The following CDH18 variants were observed in gnomAD, a reference collection of about 807,000 sequenced individuals.
The protein encoded by CDH18 is cadherin-18.
CDH18 carries 31 observed loss-of-function variants against 67.9 expected under a neutral mutation model. That is an observed-to-expected ratio of 0.46 (90% confidence interval 0.34 to 0.62). The LOEUF is 0.62. CDH18 is among the 20% of genes least tolerant of loss of function. The pLI is 0.01. For missense variants in CDH18, 890 were observed against 975.5 expected (o/e 0.91, Z 1.17); for synonymous variants, 362 against 347.2 (o/e 1.04, Z -0.48).
chr5:20,055,776 A>C, intron 2 of CDH18, among the ~76,000 whole-genome samples: 1 of 152,134 alleles, frequency 6.6e-6, no homozygotes, highest in East Asian at 1.9e-4. Flanking sequence ...AGAAATTTGA[A>C]AATATTGAAG....
At chr5:19,852,673 G>A in intron 2 of CDH18, among the ~76,000 whole-genome samples, 1 of 151,576 alleles carries the variant, frequency 6.6e-6, no homozygotes, top group East Asian at 1.9e-4. Flanking sequence ...AATTAGGGAG[G>A]CTGCAAATAT....
At chr5:20,087,460 G>A (rs1476871072) in intron 2 of CDH18, among the ~76,000 whole-genome samples, 1 of 142,110 alleles carries the variant, frequency 7.0e-6, no homozygotes, top group Non-Finnish European at 1.5e-5. Flanking sequence ...TATTCCACGT[G>A]ACAGAGAAAT....
intron 2 of CDH18, among the ~76,000 whole-genome samples, chr5:19,918,632 T>C (rs992690993): frequency 6.6e-5 from 10 of 152,174 alleles, no homozygotes; most frequent in Admixed American, 1.3e-4. Flanking sequence ...TTCTAGTAGA[T>C]AATGGATAAA....
Position 19,473,144 on chromosome 5 carries a change from C to A in CDH18, c.*82G>T. The A allele has an allele frequency of 8.5e-6, 13 of 1,532,756 alleles. No individual in the cohort carries two copies. Among genetic ancestry groups the A allele is most frequent in the Non-Finnish European group, 1.1e-5 (13 of 1,135,682 alleles). 94.9% of individuals were successfully genotyped at this position (1,532,756 alleles called of 1,614,324 possible). ...CTTCCTCAGTTCCAAGTACTGTTTC[C>A]ACACTTCTTCCTTGTCATTGCTGAG... On this transcript the variant is annotated 3_prime_UTR_variant, in exon 13 of 13. Transcript: ENST00000382275.
rs189001279 is a variant in CDH18, at chr5:19,725,109, G to A, written c.524-3643C>T. On this transcript the variant is annotated intron_variant, in intron 4 of 12. Coordinates refer to ENST00000382275, the MANE Select transcript of CDH18 (RefSeq NM_004934.5). The stretch of plus-strand genomic sequence containing the variant: ...GCCTGGCTAAATTTTTGTATTTTTA[G>A]TAGAGACAGGGTTTCACCATGTTAG... Among the ~76,000 whole-genome samples the A allele has an allele frequency of 2.8e-4, 43 of 152,078 alleles. 1 individual carries two copies. In the East Asian group the frequency reaches 8.2e-3, roughly 29 times the overall value.
intron 7 of CDH18, among the ~76,000 whole-genome samples, chr5:19,581,738 A>G (rs931457396): frequency 6.6e-6 from 1 of 152,026 alleles, no homozygotes; most frequent in African/African-American, 2.4e-5. Flanking sequence ...AATGGCCTAG[A>G]CCAGGAATAG....
intron 2 of CDH18, among the ~76,000 whole-genome samples, chr5:20,205,733 T>C (rs1739827890): frequency 1.3e-5 from 2 of 151,768 alleles, no homozygotes; most frequent in Non-Finnish European, 2.9e-5. Flanking sequence ...CACAAACACA[T>C]GGAAATTAAA....
intron 5 of CDH18, among the ~76,000 whole-genome samples, chr5:19,683,282 G>A (rs945548372): frequency 6.6e-6 from 1 of 151,966 alleles, no homozygotes; most frequent in African/African-American, 2.4e-5. Flanking sequence ...AAACCATACT[G>A]TAGTATTTTA....
chr5:20,491,322 C>A (rs927228522), intron 1 of CDH18, among the ~76,000 whole-genome samples: 1 of 151,722 alleles, frequency 6.6e-6, no homozygotes, highest in African/African-American at 2.4e-5. Flanking sequence ...ACAAGAAAAC[C>A]AGGTAATGAT....
intron 7 of CDH18, among the ~76,000 whole-genome samples, chr5:19,583,790 G>C (rs1351519928): frequency 6.6e-6 from 1 of 152,082 alleles, no homozygotes; most frequent in Non-Finnish European, 1.5e-5. Context: ...ACACTTCAAA[G>C]AGTTGAGATA....
intron 1 of CDH18, among the ~76,000 whole-genome samples, chr5:20,501,526 TTA>T (rs1261057888): frequency 2.6e-4 from 17 of 64,966 alleles, no homozygotes; most frequent in South Asian, 1.7e-3. Context: ...TATATACATA[TTA>T]TATATATTAT....
chr5:19,827,527 C>A (rs1409360541), intron 3 of CDH18, among the ~76,000 whole-genome samples: 1 of 151,984 alleles, frequency 6.6e-6, no homozygotes, highest in Non-Finnish European at 1.5e-5. Flanking sequence ...ATGCTGAAAT[C>A]ATACCAAACA....
intron 5 of CDH18, among the ~76,000 whole-genome samples, chr5:19,616,312 C>T (rs1247659399): frequency 6.6e-6 from 1 of 151,544 alleles, no homozygotes; most frequent in Non-Finnish European, 1.5e-5. Flanking sequence ...ACATTGATTC[C>T]CCCCCACCCA....
intron 8 of CDH18, among the ~76,000 whole-genome samples, chr5:19,559,932 A>AC (rs1739148346): frequency 6.6e-6 from 1 of 151,768 alleles, no homozygotes; most frequent in Admixed American, 6.6e-5. Context: ...AAACAAAAAA[A>AC]AAACTCAGGA....
intron 8 of CDH18, among the ~76,000 whole-genome samples, chr5:19,568,831 C>T (rs186056614): frequency 1.5e-4 from 23 of 152,200 alleles, no homozygotes; most frequent in Middle Eastern, 6.8e-3. Flanking sequence ...GTTATAGCAG[C>T]GTAAAGTGAC....
At position 19,786,674 on chromosome 5, in the gene CDH18, C is replaced by T. The variant is rs989405413; in HGVS notation, c.229-39438G>A. 3.3e-5 allele frequency among the ~76,000 whole-genome samples: 5 copies of T among 152,154 alleles called. No homozygotes were observed. In the South Asian group the frequency reaches 1.0e-3, roughly 32 times the overall value. ...TATTTGAACTCTAATTCTTCCATGTCCTCACCACACTCTTCATTGACCTGA... is the reference window on the plus strand; with the variant it reads ...TATTTGAACTCTAATTCTTCCATGTTCTCACCACACTCTTCATTGACCTGA... On this transcript the variant is annotated intron_variant, in intron 3 of 12. Coordinates refer to ENST00000382275, the MANE Select transcript of CDH18 (RefSeq NM_004934.5).
At chr5:20,488,659 G>A (rs1430923242) in intron 1 of CDH18, among the ~76,000 whole-genome samples, 2 of 124,432 alleles carry the variant, frequency 1.6e-5, no homozygotes, top group Middle Eastern at 4.1e-3. Flanking sequence ...CTTTTTGGTT[G>A]GAGGGGTAGT....
In CDH18 at chr5:20,115,270, C is replaced by CTTTTTTTTTTTTTTTTTT. The variant is rs753438800; in HGVS notation, c.-517-123274_-517-123257dup. Among the ~76,000 whole-genome samples the CTTTTTTTTTTTTTTTTTT allele has an allele frequency of 3.4e-5, 2 of 58,138 alleles. 1 individual carries two copies. The allele number at this position is 58,138 out of a possible 152,430, so 38.1% of individuals were successfully genotyped here. ...TGGGGCTCCACTCTCAGGGCCTCAT[C>CTTTTTTTTTTTTTTTTTT]TTTTTTTTTTTTTTTTTTTTTTTTT... is the stretch of plus-strand genomic sequence containing the variant. On this transcript the variant is annotated intron_variant, in intron 2 of 14. Transcript: ENST00000507958.
intron 2 of CDH18, among the ~76,000 whole-genome samples, chr5:19,860,077 C>G (rs1784731248): frequency 6.6e-6 from 1 of 150,580 alleles, no homozygotes; most frequent in Non-Finnish European, 1.5e-5. Flanking sequence ...TCACATTTTA[C>G]TCCTAACTGG....
Sources: gnomAD v4.1 joint callset for allele counts (sites outside exome capture counted in the v4.1 genomes callset) on GRCh38, gnomAD v4.1.1 for gene constraint, MANE v1.5 for transcripts, NCBI Gene and HGNC (gene_info 2026-07-23, HGNC 2026-07-21) for gene names.